Variants in FAN1 observed in about 807,000 individuals in gnomAD.
FAN1 encodes the protein FANCD2 and FANCI associated nuclease 1.
A neutral mutation model predicts 104.9 loss-of-function variants in FAN1; 91 were observed. The observed-to-expected ratio is 0.87, with a 90% CI of 0.73 to 1.03. FAN1 has a LOEUF of 1.03. FAN1 is among the 50% of genes least tolerant of loss of function. FAN1 has a pLI of 0.00. For synonymous variants in FAN1, 478 were observed against 457.6 expected (o/e 1.04, Z -0.57); for missense variants, 1,263 against 1,239.9 (o/e 1.02, Z -0.28).
In FAN1 at chr15:30,920,660, G is replaced by T. The variant is rs560877684; in HGVS notation, c.2052+7G>T. On this transcript the variant is annotated splice_region_variant and intron_variant, in intron 7 of 14. Coordinates refer to ENST00000362065, the MANE Select transcript of FAN1 (RefSeq NM_014967.5). Reference sequence around the variant, plus strand: ...GAGACTTCACATGTATGAGGTTAGAGCACAGGTCCCTGCCCCCCACCATTA... The same window carrying T: ...GAGACTTCACATGTATGAGGTTAGATCACAGGTCCCTGCCCCCCACCATTA... The T allele has an allele frequency of 6.5e-7, 1 of 1,532,592 alleles. No individual in the cohort carries two copies. The highest frequency in any genetic ancestry group is 9.0e-7 in the Non-Finnish European group (1 of 1,111,526). 94.9% of individuals were successfully genotyped at this position (1,532,592 alleles called of 1,614,324 possible).
rs1566906885 is a variant in FAN1 at position 30,905,333 on chromosome 15, G to GAGTGCAT, written c.671_677dup (p.Pro227ValfsTer4). On this transcript the variant is annotated frameshift_variant, in exon 2 of 15. Transcript: ENST00000362065. LOFTEE classifies it high-confidence loss of function. ...GTTTAAATGTGATTCTCTAAAGGAA[G>GAGTGCAT]AGTGCATTCCTGAACATATGGTAAG... 5.0e-6 allele frequency: 8 copies of GAGTGCAT among 1,613,824 alleles called. No individual in the cohort carries two copies. In the East Asian group the frequency reaches 1.8e-4, roughly 36 times the overall value.
chr15:30,937,188 A>C lies in FAN1; in HGVS notation c.2986A>C (p.Lys996Gln). 6.2e-7 allele frequency: 1 copy of C among 1,614,140 alleles called. No homozygotes were observed. Among genetic ancestry groups the C allele is most frequent in the East Asian group, 2.2e-5 (1 of 44,880 alleles). Residue 996 changes from lysine to glutamine, a missense_variant, in exon 14 of 15, where the codon AAG becomes CAG. Physicochemically the swap from Lys to Gln is moderately conservative, Grantham distance 53. Around this residue, in one of 2 missense-constraint regions of FAN1, gnomAD observed 581 missense variants for 668.8 expected, o/e 0.87. Transcript: ENST00000362065. ...KQMIWLAELQ[K>Q]LGAEVEVCHV... Reference sequence around the variant, plus strand: ...GATGATCTGGCTGGCTGAACTGCAGAAGCTGGGGGCTGAAGTAGAAGTCTG... The same window carrying C: ...GATGATCTGGCTGGCTGAACTGCAGCAGCTGGGGGCTGAAGTAGAAGTCTG...
rs552737904 is a variant in FAN1 at position 30,942,339 on chromosome 15, A to C, written c.*777A>C. On this transcript the variant is annotated 3_prime_UTR_variant, in exon 15 of 15. Transcript: ENST00000362065. ...CCTATCCACTAATTTGCTTAAGGAT[A>C]AGTTCTAAGACGGGCTAGAAAAAAC... The C allele has an allele frequency of 3.9e-6, 2 of 518,824 alleles. No homozygotes were observed. Among genetic ancestry groups the C allele is most frequent in the East Asian group, 6.7e-5 (2 of 29,812 alleles). 32.1% of individuals were successfully genotyped at this position (518,824 alleles called of 1,614,324 possible). A position where few individuals can be genotyped will look rare whatever the true frequency, so the allele number is the denominator to read the frequency against.
chr15:30,928,880 A>C, intron 11 of FAN1: 1 of 761,854 alleles, frequency 1.3e-6, no homozygotes, highest in Non-Finnish European at 1.6e-6. Flanking sequence ...CCTTACATTT[A>C]GACCTTTCGT....
intron 10 of FAN1, 23 bp downstream of exon 10, chr15:30,925,962 G>C (rs201814639): frequency 6.2e-7 from 1 of 1,612,504 alleles, no homozygotes; most frequent in Non-Finnish European, 8.5e-7. Context: ...GCTTTCTCTT[G>C]TGGCACCCAG....
At chr15:30,918,420 G>A (rs1178063475) in intron 6 of FAN1, 125 bp downstream of exon 6, 2 of 952,398 alleles carry the variant, frequency 2.1e-6, no homozygotes, top group African/African-American at 3.3e-5. Flanking sequence ...CTGTGGAATT[G>A]AATTTTGTGC....
chr15:30,931,144 A>C (rs1325556770), intron 13 of FAN1, among the ~76,000 whole-genome samples: 1 of 152,210 alleles, frequency 6.6e-6, no homozygotes, highest in Non-Finnish European at 1.5e-5. Context: ...TTCACATTGC[A>C]TGCCTGTATC....
intron 9 of FAN1, 48 bp downstream of exon 9, chr15:30,925,339 G>T (rs2062433225): frequency 1.5e-5 from 24 of 1,556,620 alleles, no homozygotes; most frequent in Non-Finnish European, 2.1e-5. Flanking sequence ...CGTGTACCTG[G>T]TTTTTTTGGA....
At chr15:30,908,326 G>A in intron 3 of FAN1, 68 bp downstream of exon 3, 13 of 1,396,384 alleles carry the variant, frequency 9.3e-6, no homozygotes, top group Non-Finnish European at 1.3e-5. Flanking sequence ...GCAGAATGAT[G>A]GCAGTATTAT....
In FAN1 at chr15:30,904,732, G is replaced by GA; in HGVS notation, c.75dup (p.Ala26SerfsTer3). ...GAAGCTTATCAATCAGCAAGAATAA[G>GA]AAAAAAGCATCTAATTCTATTATTT... On this transcript the variant is annotated frameshift_variant, in exon 2 of 15. Coordinates refer to ENST00000362065, the MANE Select transcript of FAN1 (RefSeq NM_014967.5). LOFTEE classifies it high-confidence loss of function. 2 of 1,610,932 alleles carry GA rather than the reference G, an allele frequency of 1.2e-6. No homozygotes were observed. Among genetic ancestry groups the GA allele is most frequent in the Non-Finnish European group, 1.7e-6 (2 of 1,177,916 alleles).
At chr15:30,916,648 A>G (rs1377826280) in intron 5 of FAN1, among the ~76,000 whole-genome samples, 2 of 152,186 alleles carry the variant, frequency 1.3e-5, no homozygotes, top group African/African-American at 2.4e-5. Context: ...CTTGTTGTCT[A>G]CCTCTGTACT....
In FAN1 at chr15:30,908,277, G is replaced by A; in HGVS notation, c.1375+19G>A. The stretch of plus-strand genomic sequence containing the variant: ...CAGACAGGTATGACTAGTAGAAGGA[G>A]ATGTGAAATGAAAATATGATCTGAA... On this transcript the variant is annotated intron_variant, in intron 3 of 14. Transcript: ENST00000362065. 1.9e-6 allele frequency: 3 copies of A among 1,553,976 alleles called. No homozygotes were observed. The highest frequency in any genetic ancestry group is 1.3e-5 in the South Asian group (1 of 78,674).
rs2061959730 is a variant in FAN1 at position 30,905,633 on chromosome 15, CAT to C, written c.972_973del (p.His324GlnfsTer5). The C allele has an allele frequency of 6.2e-7, 1 of 1,614,000 alleles. No homozygotes were observed. The highest frequency in any genetic ancestry group is 1.3e-5 in the African/African-American group (1 of 74,936). ...IQLSDSEAKS[H>X]SSADDASAWS... ...GCTGTCAGATTCAGAGGCAAAATCTCATAGTTCTGCAGATGATGCTTCTGCAT... is the reference window on the plus strand; with the variant it reads ...GCTGTCAGATTCAGAGGCAAAATCTCAGTTCTGCAGATGATGCTTCTGCAT... On this transcript the variant is annotated frameshift_variant, in exon 2 of 15. Transcript: ENST00000362065. LOFTEE classifies it high-confidence loss of function.
At position 30,942,323 on chromosome 15, in the gene FAN1, T is replaced by C; in HGVS notation, c.*761T>C. 1 of 543,926 alleles carries C rather than the reference T, an allele frequency of 1.8e-6. No individual in the cohort carries two copies. Among genetic ancestry groups the C allele is most frequent in the Non-Finnish European group, 3.2e-6 (1 of 309,064 alleles). The allele number at this position is 543,926 out of a possible 1,614,324, so 33.7% of individuals were successfully genotyped here. ...CGGGATGAGAGTACCTCCTATCCAC[T>C]AATTTGCTTAAGGATAAGTTCTAAG... On this transcript the variant is annotated 3_prime_UTR_variant, in exon 15 of 15. Coordinates refer to ENST00000362065, the MANE Select transcript of FAN1 (RefSeq NM_014967.5).
Position 30,922,271 on chromosome 15 carries a change from A to C in FAN1, c.2089A>C (p.Arg697=), listed in dbSNP as rs764816096. ...AGAACTTGAAAGCCTTTTGTCTCAGAGAATTTATTGTCCTGACAGCAGAGG... is the reference window on the plus strand; with the variant it reads ...AGAACTTGAAAGCCTTTTGTCTCAGCGAATTTATTGTCCTGACAGCAGAGG... ...VRELESLLSQ[R]IYCPDSRGRW... Residue 697 remains arginine (R), a synonymous_variant, in exon 8 of 15, where the codon AGA becomes CGA. Coordinates refer to ENST00000362065, the MANE Select transcript of FAN1 (RefSeq NM_014967.5). The C allele has an allele frequency of 1.9e-6, 3 of 1,613,370 alleles. No individual in the cohort carries two copies. Among genetic ancestry groups the C allele is most frequent in the African/African-American group, 2.7e-5 (2 of 74,854 alleles).
In FAN1 at chr15:30,910,704, C is replaced by T. The variant is rs964278590; in HGVS notation, c.1466C>T (p.Pro489Leu). Reference sequence around the variant, plus strand: ...GCCAAGACCTTCCACTTGGTGAATCCCAATGGACAGAAACAGCAGCTGGTG... The same window carrying T: ...GCCAAGACCTTCCACTTGGTGAATCTCAATGGACAGAAACAGCAGCTGGTG... ...SLAKTFHLVN[P>L]NGQKQQLVDA... Residue 489 changes from proline to leucine, a missense_variant, in exon 4 of 15, where the codon CCC becomes CTC. This residue lies in a region of FAN1 where 682 missense variants were observed against 571.1 expected (regional missense o/e 1.19). Coordinates refer to ENST00000362065, the MANE Select transcript of FAN1 (RefSeq NM_014967.5). The T allele has an allele frequency of 6.2e-7, 1 of 1,613,936 alleles. No homozygotes were observed. The highest frequency in any genetic ancestry group is 8.5e-7 in the Non-Finnish European group (1 of 1,179,954).
Position 30,913,938 on chromosome 15 carries a change from C to T in FAN1, c.1658C>T (p.Ser553Leu), listed in dbSNP as rs866686628. 13 of 1,614,026 alleles carry T rather than the reference C, an allele frequency of 8.1e-6. No individual in the cohort carries two copies. The highest frequency in any genetic ancestry group is 1.6e-4 in the Middle Eastern group (1 of 6,084). The change falls in exon 5 of 15, where the codon TCG becomes TTG. Residue 553 changes from serine to leucine, a missense_variant. Physicochemically the swap from Ser to Leu is moderately radical, Grantham distance 145. Coordinates refer to ENST00000362065, the MANE Select transcript of FAN1 (RefSeq NM_014967.5). The stretch of plus-strand genomic sequence containing the variant: ...TTTTCCCGCATCTTGCTACTGTTTT[C>T]GTTGACCGACTCAATGGAAGATGAA... The part of the protein sequence containing the change: ...AVFSRILLLF[S>L]LTDSMEDEDA...
chr15:30,928,049 G>A, intron 10 of FAN1: 1 of 991,858 alleles, frequency 1.0e-6, no homozygotes, highest in Non-Finnish European at 1.2e-6. Context: ...GGGATGAGGT[G>A]CATCAGAGCA....
Position 30,915,926 on chromosome 15 carries a change from C to T in FAN1, c.1811+1835C>T, listed in dbSNP as rs151074845. ...ATTTGGATTTCTGACTCAAATTTAACCAAAATTGATTGTGATATTTGCTTT... is the reference window on the plus strand; with the variant it reads ...ATTTGGATTTCTGACTCAAATTTAATCAAAATTGATTGTGATATTTGCTTT... On this transcript the variant is annotated intron_variant, in intron 5 of 14. Transcript: ENST00000362065. Among the ~76,000 whole-genome samples, 294 of 152,154 alleles carry T rather than the reference C, an allele frequency of 1.9e-3. 1 individual carries two copies. The highest frequency in any genetic ancestry group is 6.5e-3 in the African/African-American group (268 of 41,516).
Sources: gnomAD v4.1 joint callset for allele counts (sites outside exome capture counted in the v4.1 genomes callset) on GRCh38, gnomAD v4.1.1 for gene constraint, gnomAD v4.1.1 regional missense constraint, MANE v1.5 for transcripts, NCBI Gene and HGNC (gene_info 2026-07-23, HGNC 2026-07-21) for gene names.